Variants in TAF4B observed in about 807,000 individuals in gnomAD.
TAF4B encodes the protein TATA-box binding protein associated factor 4b, also known as transcription initiation factor TFIID subunit 4B.
A neutral mutation model predicts 86.4 loss-of-function variants in TAF4B; 38 were observed. The observed-to-expected ratio is 0.44, with a 90% CI of 0.34 to 0.58. The LOEUF (loss-of-function observed/expected upper bound fraction) is 0.58, where lower values mean the gene tolerates loss of function less well. TAF4B is among the 20% of genes least tolerant of loss of function. The pLI, the probability that TAF4B is intolerant of heterozygous loss-of-function variation, is 0.02. For synonymous variants in TAF4B, 388 were observed against 391.2 expected (o/e 0.99, Z 0.10); for missense variants, 988 against 1,027.6 (o/e 0.96, Z 0.53).
At chr18:26,231,034 C>CTTTTTTTTGTTTTTTT (rs2055658156) in intron 1 of TAF4B, among the ~76,000 whole-genome samples, 1 of 66,164 alleles carries the variant, frequency 1.5e-5, no homozygotes, top group Non-Finnish European at 2.8e-5. Flanking sequence ...TGTTGTTTTG[C>CTTTTTTTTGTTTTTTT]TTTTTTTTTT....
intron 9 of TAF4B, among the ~76,000 whole-genome samples, chr18:26,298,853 T>A (rs1229238629): frequency 2.0e-4 from 2 of 9,916 alleles, no homozygotes; most frequent in African/African-American, 6.9e-4. Context: ...CCTATTGCCT[T>A]TTTTTTTTTT....
intron 1 of TAF4B, among the ~76,000 whole-genome samples, chr18:26,238,821 T>C (rs2055790642): frequency 6.6e-6 from 1 of 151,732 alleles, no homozygotes; most frequent in Non-Finnish European, 1.5e-5. Context: ...TTCTCACCTA[T>C]GAGATAGAAC....
intron 13 of TAF4B, 56 bp downstream of exon 13, chr18:26,335,287 C>T (rs372483391): frequency 4.1e-6 from 6 of 1,478,648 alleles, no homozygotes; most frequent in Non-Finnish European, 5.7e-6. Flanking sequence ...GTTGGCAGCT[C>T]TCTCCTGGCA....
At chr18:26,289,352 A>G (rs2056564705) in intron 7 of TAF4B, among the ~76,000 whole-genome samples, 1 of 152,230 alleles carries the variant, frequency 6.6e-6, no homozygotes, top group African/African-American at 2.4e-5. Context: ...ACTGCACTGT[A>G]TCAAATCTGG....
At position 26,241,107 on chromosome 18, in the gene TAF4B, T is replaced by A. The variant is rs140144972; in HGVS notation, c.343+13831T>A. Reference sequence around the variant, plus strand: ...GATGGTATTGGCCTCATAAAATGAGTTAGGGAGGATTCCTTCTTTTTCTGT... The same window carrying A: ...GATGGTATTGGCCTCATAAAATGAGATAGGGAGGATTCCTTCTTTTTCTGT... On this transcript the variant is annotated intron_variant, in intron 1 of 14. Coordinates refer to ENST00000269142, the MANE Select transcript of TAF4B (RefSeq NM_005640.3). Among the ~76,000 whole-genome samples the A allele has an allele frequency of 1.8e-3, 276 of 152,284 alleles. 1 individual carries two copies. Among genetic ancestry groups the A allele is most frequent in the African/African-American group, 6.2e-3 (258 of 41,552 alleles).
chr18:26,321,699 A>C (rs369359175), intron 11 of TAF4B, among the ~76,000 whole-genome samples: 1 of 152,108 alleles, frequency 6.6e-6, no homozygotes, highest in Admixed American at 6.6e-5. Context: ...TAACATTTTC[A>C]TTATCTCAAA....
At chr18:26,288,738 T>G (rs2056557126) in intron 7 of TAF4B, among the ~76,000 whole-genome samples, 1 of 152,142 alleles carries the variant, frequency 6.6e-6, no homozygotes, top group South Asian at 2.1e-4. Flanking sequence ...TAGAAAGAAC[T>G]TCTAGGTTTC....
At chr18:26,358,845 T>A (rs1348268975) in intron 14 of TAF4B, among the ~76,000 whole-genome samples, 1 of 152,246 alleles carries the variant, frequency 6.6e-6, no homozygotes, top group Admixed American at 6.5e-5. Context: ...TATACTTCTC[T>A]ATAGAATTTA....
intron 7 of TAF4B, among the ~76,000 whole-genome samples, chr18:26,291,302 C>G (rs2056589340): frequency 6.6e-6 from 1 of 151,860 alleles, no homozygotes; most frequent in African/African-American, 2.4e-5. Context: ...ACTCTGTCAC[C>G]CAGGCTGGAG....
chr18:26,315,512 T>C, intron 10 of TAF4B, 114 bp downstream of exon 10: 1 of 652,458 alleles, frequency 1.5e-6, no homozygotes, highest in Non-Finnish European at 2.4e-6. Context: ...TAAATAAGAT[T>C]CTAGAAATAA....
intron 12 of TAF4B, among the ~76,000 whole-genome samples, chr18:26,328,331 C>G (rs923598547): frequency 1.3e-5 from 2 of 151,978 alleles, no homozygotes; most frequent in Non-Finnish European, 2.9e-5. Flanking sequence ...CGCCTGTAGT[C>G]TCAGCTACTC....
At chr18:26,228,420 A>G (rs2055612301) in intron 1 of TAF4B, among the ~76,000 whole-genome samples, 1 of 152,220 alleles carries the variant, frequency 6.6e-6, no homozygotes, top group Admixed American at 6.5e-5. Flanking sequence ...TTTATATGGT[A>G]TACAAGGTAT....
intron 3 of TAF4B, among the ~76,000 whole-genome samples, chr18:26,270,658 GA>G (rs1451179860): frequency 6.6e-6 from 1 of 152,130 alleles, no homozygotes; most frequent in Non-Finnish European, 1.5e-5. Flanking sequence ...TGGAGCCTGT[GA>G]ATTCAGGTGA....
At chr18:26,389,757 G>T (rs890717964) in intron 14 of TAF4B, 88 bp from the exon 15 acceptor site, 99 of 1,369,258 alleles carry the variant, frequency 7.2e-5, no homozygotes, top group Non-Finnish European at 9.6e-5. Flanking sequence ...TGACCAGAGG[G>T]TAGTGGGCTC....
At chr18:26,265,812 C>T (rs1214456223) in intron 2 of TAF4B, among the ~76,000 whole-genome samples, 1 of 152,152 alleles carries the variant, frequency 6.6e-6, no homozygotes. Context: ...CTCTTAGCCT[C>T]CCAAAGTGCT....
At chr18:26,364,405 G>A (rs971384380) in intron 14 of TAF4B, among the ~76,000 whole-genome samples, 6 of 145,142 alleles carry the variant, frequency 4.1e-5, no homozygotes, top group South Asian at 2.1e-4. Flanking sequence ...AATGTAGGCC[G>A]TACAGATATT....
chr18:26,327,940 G>T (rs1255231158), intron 12 of TAF4B, among the ~76,000 whole-genome samples: 1 of 152,164 alleles, frequency 6.6e-6, no homozygotes, highest in Non-Finnish European at 1.5e-5. Context: ...TGGGCTATTA[G>T]TGTCACATGA....
intron 1 of TAF4B, among the ~76,000 whole-genome samples, chr18:26,253,965 G>C (rs1225169610): frequency 5.0e-5 from 6 of 121,094 alleles, no homozygotes; most frequent in Non-Finnish European, 7.9e-5. Context: ...TCGCTCTGTT[G>C]CCCAGGCTGG....
intron 9 of TAF4B, chr18:26,295,158 A>T (rs1404311872): frequency 9.6e-6 from 3 of 311,334 alleles, no homozygotes; most frequent in Middle Eastern, 4.0e-4. Context: ...TTTGTACCTT[A>T]GTCTTCCTCA....
Sources: gnomAD v4.1 joint callset for allele counts (sites outside exome capture counted in the v4.1 genomes callset) on GRCh38, gnomAD v4.1.1 for gene constraint, MANE v1.5 for transcripts, NCBI Gene and HGNC (gene_info 2026-07-23, HGNC 2026-07-21) for gene names.